Variants in DNAI3 observed in about 807,000 individuals in gnomAD.
DNAI3 encodes dynein axonemal intermediate chain 3.
Under a neutral mutation model 115.5 loss-of-function variants are expected in DNAI3, and 83 were observed. That is an observed-to-expected ratio of 0.72 (90% CI 0.60 to 0.86). The LOEUF (loss-of-function observed/expected upper bound fraction) is 0.86, where lower values mean the gene tolerates loss of function less well. Ranked by LOEUF, DNAI3 falls within the 40% of genes least tolerant of loss-of-function variation. DNAI3 has a pLI of 0.00. For missense variants in DNAI3, 1,004 were observed against 1,075.8 expected (o/e 0.93, Z 0.93); for synonymous variants, 320 against 347.0 (o/e 0.92, Z 0.86).
At chr1:85,114,538 T>A (rs1055613499) in intron 16 of DNAI3, among the ~76,000 whole-genome samples, 1 of 152,168 alleles carries the variant, frequency 6.6e-6, no homozygotes, top group Non-Finnish European at 1.5e-5. Context: ...AGAGTGGACA[T>A]CCCTGTTTTG....
intron 5 of DNAI3, 90 bp from the exon 6 acceptor site, chr1:85,084,456 A>C: frequency 2.0e-6 from 2 of 990,516 alleles, no homozygotes; most frequent in Non-Finnish European, 2.6e-6. Flanking sequence ...TTTATATAAA[A>C]GTAAAGTTTG....
In DNAI3 at chr1:85,121,795, T is replaced by G. The variant is rs764046675; in HGVS notation, c.1962T>G (p.Pro654=). ...IYTDWKMEKD[P]ETGRLMSKKP... is the part of the protein sequence containing the mutation. ...CAGATTGGAAAATGGAAAAAGACCCTGAAACTGGCCGACTTATGTGTAAGT... is the reference window on the plus strand; with the variant it reads ...CAGATTGGAAAATGGAAAAAGACCCGGAAACTGGCCGACTTATGTGTAAGT... The change falls in exon 18 of 23, where the codon CCT becomes CCG. Residue 654 remains proline, a synonymous_variant. Transcript: ENST00000294664. The G allele has an allele frequency of 1.9e-6, 3 of 1,614,194 alleles. No individual in the cohort carries two copies. The highest frequency in any genetic ancestry group is 1.1e-5 in the South Asian group (1 of 91,084).
chr1:85,078,042 T>C (rs1654513814), intron 3 of DNAI3, among the ~76,000 whole-genome samples: 1 of 152,120 alleles, frequency 6.6e-6, no homozygotes, highest in Non-Finnish European at 1.5e-5. Context: ...AGTCTGCCTT[T>C]GGTTCCTGCT....
intron 16 of DNAI3, among the ~76,000 whole-genome samples, chr1:85,113,988 G>A (rs2100603529): frequency 6.7e-6 from 1 of 148,442 alleles, no homozygotes; most frequent in East Asian, 2.0e-4. Context: ...ATTGTTCACT[G>A]CCAGTGTATA....
Position 85,132,991 on chromosome 1 carries a change from T to C in DNAI3, c.2669T>C (p.Val890Ala), listed in dbSNP as rs763970839. Residue 890 changes from valine (V) to alanine (A), a missense_variant, in exon 23 of 23, where the codon GTG (valine) becomes GCG (alanine). Transcript: ENST00000294664. ...ACAGAGAAGGGGTCATACATGGAGG[T>C]GATGTAAAAAAGCTTCCTGAAGGGG... Reference protein sequence around the residue: ...KVTEKGSYMEVM With the variant: ...KVTEKGSYMEAM 6.2e-7 allele frequency: 1 copy of C among 1,607,986 alleles called. No individual in the cohort carries two copies. Among genetic ancestry groups the C allele is most frequent in the South Asian group, 1.1e-5 (1 of 89,468 alleles).
At chr1:85,129,866 A>G (rs1656261353) in intron 21 of DNAI3, 124 bp from the exon 22 acceptor site, 2 of 1,059,302 alleles carry the variant, frequency 1.9e-6, no homozygotes, top group Non-Finnish European at 2.7e-6. Context: ...GATCAAGTAG[A>G]TTAGGGAGGT....
At chr1:85,096,717 T>G (rs1319973857) in intron 11 of DNAI3, among the ~76,000 whole-genome samples, 1 of 152,060 alleles carries the variant, frequency 6.6e-6, no homozygotes, top group Non-Finnish European at 1.5e-5. Context: ...TATATGATTT[T>G]TGTGTGTGTG....
chr1:85,121,343 C>T (rs1251414521), intron 17 of DNAI3, among the ~76,000 whole-genome samples: 3 of 152,320 alleles, frequency 2.0e-5, no homozygotes, highest in African/African-American at 7.2e-5. Flanking sequence ...CATTCATAGT[C>T]CCTCATTCTT....
chr1:85,064,156 TGCATGGGCTTCACCAGGCTGCCAAAG>T (rs1454200255), intron 1 of DNAI3, among the ~76,000 whole-genome samples: 2 of 152,206 alleles, frequency 1.3e-5, no homozygotes, highest in African/African-American at 4.8e-5. Flanking sequence ...TTTTATTTGA[TGCATGGGCTTCACCAGGCTGCCAAAG>T]GTTCATGGCA....
chr1:85,101,490 C>T (rs1251257272), intron 13 of DNAI3, among the ~76,000 whole-genome samples: 1 of 151,838 alleles, frequency 6.6e-6, no homozygotes, highest in Non-Finnish European at 1.5e-5. Context: ...TTTGGGAGGC[C>T]GAGGCGGGCA....
At chr1:85,091,856 G>A (rs1186766026) in intron 8 of DNAI3, among the ~76,000 whole-genome samples, 1 of 152,166 alleles carries the variant, frequency 6.6e-6, no homozygotes, top group African/African-American at 2.4e-5. Context: ...GAAGAAAGAT[G>A]TGTTTTCACT....
At chr1:85,080,032 T>G (rs1654582094) in intron 3 of DNAI3, among the ~76,000 whole-genome samples, 1 of 145,866 alleles carries the variant, frequency 6.9e-6, no homozygotes, top group African/African-American at 2.5e-5. Context: ...AAAGTTTCTT[T>G]TCTTTTTCTT....
intron 18 of DNAI3, among the ~76,000 whole-genome samples, chr1:85,122,385 C>A (rs1401668601): frequency 6.6e-6 from 1 of 152,148 alleles, no homozygotes; most frequent in Admixed American, 6.5e-5. Context: ...TGGGTCACAT[C>A]CAGGCGGGAG....
chr1:85,063,769 C>T (rs952877709), intron 1 of DNAI3, among the ~76,000 whole-genome samples: 1 of 152,112 alleles, frequency 6.6e-6, no homozygotes, highest in Non-Finnish European at 1.5e-5. Flanking sequence ...AGTAGTTGTT[C>T]TGGTTAGAAC....
At position 85,082,330 on chromosome 1, in the gene DNAI3, T is replaced by G; in HGVS notation, c.316T>G (p.Tyr106Asp). Residue 106 changes from tyrosine to aspartate, a missense_variant, in exon 5 of 23, where the codon TAT (tyrosine) becomes GAT (aspartate). By Grantham distance (160) the Tyr-to-Asp change is radical. Transcript: ENST00000294664. ...TCCTGGAAATGAGCTTCTGCTTGTT[T>G]ATGACAAAGACTTCAAATATGGACT... ...EYPGNELLLVYDKDFKYGLNF... is the reference protein window; with the variant it reads ...EYPGNELLLVDDKDFKYGLNF... The G allele has an allele frequency of 6.2e-7, 1 of 1,613,878 alleles. No homozygotes were observed. Among genetic ancestry groups the G allele is most frequent in the South Asian group, 1.1e-5 (1 of 91,030 alleles).
chr1:85,098,044 C>G (rs1441647161), intron 12 of DNAI3, among the ~76,000 whole-genome samples: 1 of 152,138 alleles, frequency 6.6e-6, no homozygotes, highest in Non-Finnish European at 1.5e-5. Flanking sequence ...AGCACGATAG[C>G]TTTTCTCATG....
intron 10 of DNAI3, among the ~76,000 whole-genome samples, chr1:85,095,610 C>T (rs111546670): frequency 5.3e-5 from 8 of 152,184 alleles, no homozygotes; most frequent in African/African-American, 1.9e-4. Context: ...TTTTCAGGAA[C>T]ACTAATTTCA....
intron 8 of DNAI3, among the ~76,000 whole-genome samples, chr1:85,091,369 A>G (rs139232812): frequency 1.3e-5 from 2 of 152,332 alleles, no homozygotes; most frequent in East Asian, 1.9e-4. Context: ...TTCCATGCTT[A>G]TAAAGAAAAG....
At chr1:85,114,597 G>A (rs1655759292) in intron 16 of DNAI3, among the ~76,000 whole-genome samples, 1 of 152,184 alleles carries the variant, frequency 6.6e-6, no homozygotes, top group Non-Finnish European at 1.5e-5. Context: ...TCTGCCTCCT[G>A]TGTGAATGGC....
Sources: gnomAD v4.1 joint callset for allele counts (sites outside exome capture counted in the v4.1 genomes callset) on GRCh38, gnomAD v4.1.1 for gene constraint, MANE v1.5 for transcripts, NCBI Gene and HGNC (gene_info 2026-07-23, HGNC 2026-07-21) for gene names.